VTI1A: variants seen among roughly 807,000 people sequenced by gnomAD.
VTI1A encodes vesicle transport through interaction with t-SNAREs 1A, also known as vesicle transport through interaction with t-SNAREs homolog 1A.
VTI1A carries 22 observed loss-of-function variants against 34.9 expected under a neutral mutation model. The observed-to-expected ratio is 0.63, with a 90% CI of 0.45 to 0.90. The LOEUF is 0.90. Ranked by LOEUF, VTI1A falls within the 40% of genes least tolerant of loss-of-function variation. VTI1A has a pLI of 0.00. For missense variants in VTI1A, 268 were observed against 275.6 expected, an observed-to-expected ratio of 0.97 and a Z score of 0.20; for synonymous variants, 87 against 97.3, an observed-to-expected ratio of 0.89 and a Z score of 0.62.
At chr10:112,464,054 A>G (rs184897290) in intron 2 of VTI1A, among the ~76,000 whole-genome samples, 1 of 152,286 alleles carries the variant, frequency 6.6e-6, no homozygotes, top group Non-Finnish European at 1.5e-5. Context: ...GAAGGAGTGC[A>G]GTGGTGCAAT....
At chr10:112,476,209 G>A (rs1001045196) in intron 3 of VTI1A, among the ~76,000 whole-genome samples, 10 of 152,158 alleles carry the variant, frequency 6.6e-5, no homozygotes, top group Admixed American at 5.9e-4. Flanking sequence ...CTCATAAATA[G>A]TAAACTTTTT....
At chr10:112,754,274 C>T (rs1851203288) in intron 7 of VTI1A, among the ~76,000 whole-genome samples, 2 of 152,086 alleles carry the variant, frequency 1.3e-5, no homozygotes, top group Admixed American at 6.5e-5. Context: ...TAGCCCAAGC[C>T]AGCTGTGATC....
chr10:112,543,975 G>T (rs1850970155), intron 5 of VTI1A, among the ~76,000 whole-genome samples: 2 of 152,168 alleles, frequency 1.3e-5, no homozygotes. Context: ...GTTTCTCAAA[G>T]ATTAGTTGAT....
At chr10:112,722,877 C>T (rs988187318) in intron 7 of VTI1A, among the ~76,000 whole-genome samples, 12 of 152,118 alleles carry the variant, frequency 7.9e-5, no homozygotes, top group Admixed American at 6.5e-4. Flanking sequence ...AAAATCTGGA[C>T]GTTTGCTTTT....
At chr10:112,461,713 C>T (rs955446037) in intron 2 of VTI1A, among the ~76,000 whole-genome samples, 3 of 152,022 alleles carry the variant, frequency 2.0e-5, no homozygotes, top group African/African-American at 4.8e-5. Context: ...GAGTGTGTTG[C>T]TTTTCTATTT....
At chr10:112,697,195 CT>C (rs757143967) in intron 7 of VTI1A, among the ~76,000 whole-genome samples, 441 of 139,964 alleles carry the variant, frequency 3.2e-3, no homozygotes, top group East Asian at 5.5e-3. Context: ...TTCTTCTGTT[CT>C]TTTTTTTTTT....
chr10:112,734,654 C>CTTT (rs34618895), intron 7 of VTI1A, among the ~76,000 whole-genome samples: 1 of 138,638 alleles, frequency 7.2e-6, no homozygotes, highest in Non-Finnish European at 1.6e-5. Context: ...CAATAAATTT[C>CTTT]TTTTTTTTTT....
At chr10:112,657,803 T>TTG (rs142005527) in intron 5 of VTI1A, among the ~76,000 whole-genome samples, 19 of 108,838 alleles carry the variant, frequency 1.7e-4, no homozygotes, top group Non-Finnish European at 1.4e-4. Context: ...GAACACTATA[T>TTG]TGTGTGTGTG....
At chr10:112,584,448 T>C (rs1412372419) in intron 5 of VTI1A, among the ~76,000 whole-genome samples, 2 of 152,218 alleles carry the variant, frequency 1.3e-5, no homozygotes, top group African/African-American at 2.4e-5. Flanking sequence ...AAGATGACTT[T>C]TGTATCACAA....
At chr10:112,562,370 A>G (rs1345705377) in intron 5 of VTI1A, among the ~76,000 whole-genome samples, 1 of 152,118 alleles carries the variant, frequency 6.6e-6, no homozygotes, top group African/African-American at 2.4e-5. Flanking sequence ...GCAAATGTTT[A>G]TTTCTGAAAG....
intron 3 of VTI1A, among the ~76,000 whole-genome samples, chr10:112,518,581 CTCTCTCTCTATATA>C (rs1406817032): frequency 2.7e-4 from 23 of 84,220 alleles, no homozygotes; most frequent in African/African-American, 6.1e-4. Flanking sequence ...CTCTCTCTCT[CTCTCTCTCTATATA>C]TATATATATA....
chr10:112,641,210 C>G (rs926004596), intron 5 of VTI1A, among the ~76,000 whole-genome samples: 4 of 152,224 alleles, frequency 2.6e-5, no homozygotes, highest in East Asian at 1.9e-4. Context: ...CAGGCTTTCT[C>G]TCTGATCATG....
At chr10:112,778,766 C>T (rs547446450) in intron 7 of VTI1A, among the ~76,000 whole-genome samples, 18 of 152,222 alleles carry the variant, frequency 1.2e-4, no homozygotes, top group African/African-American at 4.3e-4. Context: ...TGCCTCCTTG[C>T]TCTACTGGGA....
the VTI1A span, among the ~76,000 whole-genome samples, chr10:112,855,142 G>A: frequency 2.0e-5 from 3 of 152,252 alleles, no homozygotes; most frequent in South Asian, 2.1e-4. Context: ...GGGATGGGAA[G>A]CTCGACCCAG....
At chr10:112,659,690 C>T (rs528623392) in intron 5 of VTI1A, among the ~76,000 whole-genome samples, 1 of 152,318 alleles carries the variant, frequency 6.6e-6, no homozygotes, top group South Asian at 2.1e-4. Flanking sequence ...ATTGCTTAAA[C>T]ACAAACATAC....
At chr10:112,841,580 T>A in the VTI1A span, among the ~76,000 whole-genome samples, 1 of 152,074 alleles carries the variant, frequency 6.6e-6, no homozygotes, top group Admixed American at 6.5e-5. Context: ...TAGAGGACCC[T>A]CTTGCTGCCA....
At chr10:112,568,335 C>T (rs1169635356) in intron 5 of VTI1A, among the ~76,000 whole-genome samples, 1 of 151,720 alleles carries the variant, frequency 6.6e-6, no homozygotes, top group African/African-American at 2.4e-5. Context: ...GATGAAACCC[C>T]GTCTCTACTA....
the VTI1A span, among the ~76,000 whole-genome samples, chr10:112,851,996 GA>G: frequency 6.6e-6 from 1 of 151,886 alleles, no homozygotes; most frequent in Non-Finnish European, 1.5e-5. Context: ...TGAGACAAAA[GA>G]AAAAAATAAA....
chr10:112,743,648 C>T (rs548772884), intron 7 of VTI1A, among the ~76,000 whole-genome samples: 2 of 152,282 alleles, frequency 1.3e-5, no homozygotes, highest in East Asian at 1.9e-4. Flanking sequence ...GTTGGAGTCT[C>T]CTGAGGTTTG....
Sources: allele counts gnomAD v4.1 joint callset (sites outside exome capture counted in the v4.1 genomes callset), GRCh38; gene constraint gnomAD v4.1.1; transcripts MANE v1.5; gene names NCBI Gene and HGNC (gene_info 2026-07-23, HGNC 2026-07-21).